The following ANKRD11 variants were observed in gnomAD, a reference collection of about 807,000 sequenced individuals.
ANKRD11 encodes the protein ankyrin repeat domain 11.
Under a neutral mutation model 195.7 loss-of-function variants are expected in ANKRD11, and 17 were observed. That is an observed-to-expected ratio of 0.09 (90% CI 0.06 to 0.13). The LOEUF (loss-of-function observed/expected upper bound fraction) is 0.13. ANKRD11 is among the 10% of genes least tolerant of loss of function. The probability of loss-of-function intolerance (pLI) is 1.00; values close to 1 mark genes in which losing one functional copy is unlikely to be tolerated. For missense variants in ANKRD11, 3,735 were observed against 3,566.1 expected, an observed-to-expected ratio of 1.05 and a Z score of -1.21; for synonymous variants, 1,953 against 1,528.1, an observed-to-expected ratio of 1.28 and a Z score of -6.49.
rs143817649 is a variant in ANKRD11, at chr16:89,284,807, A to G, written c.1735T>C (p.Tyr579His). Residue 579 changes from tyrosine (Y) to histidine (H), a missense_variant, in exon 9 of 13, where the codon TAC becomes CAC. Physicochemically the swap from Tyr to His is moderately conservative, Grantham distance 83. Coordinates refer to ENST00000301030, the MANE Select transcript of ANKRD11 (RefSeq NM_013275.6). ...TCCACACTGGAGCCCTCAGAGGAGT[A>G]GTCAGACTCGCTTGTCAGTCTCGTC... ...TRTRLTSESD[Y>H]SSEGSSVESL... 13 of 1,613,788 alleles carry G rather than the reference A, an allele frequency of 8.1e-6. No individual in the cohort carries two copies. The East Asian group carries it at 2.7e-4, about 33-fold the overall frequency.
chr16:89,406,615 G>A (rs1482832499), intron 2 of ANKRD11, among the ~76,000 whole-genome samples: 1 of 152,198 alleles, frequency 6.6e-6, no homozygotes, highest in Non-Finnish European at 1.5e-5. Context: ...AAAGAGACAA[G>A]GAAGGCCCAG....
intron 1 of ANKRD11, among the ~76,000 whole-genome samples, chr16:89,428,241 T>G (rs1597372955): frequency 5.3e-5 from 8 of 150,310 alleles, no homozygotes; most frequent in Admixed American, 5.3e-4. Flanking sequence ...AATAAAATTC[T>G]TTGGCCGGGC....
At chr16:89,359,080 T>C (rs534713415) in intron 2 of ANKRD11, among the ~76,000 whole-genome samples, 2 of 152,298 alleles carry the variant, frequency 1.3e-5, no homozygotes, top group Non-Finnish European at 2.9e-5. Flanking sequence ...AAAGCCTTTC[T>C]CTGCTTCAAA....
intron 2 of ANKRD11, among the ~76,000 whole-genome samples, chr16:89,390,299 G>A (rs1168874867): frequency 4.1e-5 from 6 of 146,554 alleles, no homozygotes; most frequent in African/African-American, 1.3e-4. Flanking sequence ...TCACTGGGGC[G>A]AACACCGAGT....
At chr16:89,329,807 G>A (rs903554823) in intron 2 of ANKRD11, among the ~76,000 whole-genome samples, 4 of 152,012 alleles carry the variant, frequency 2.6e-5, no homozygotes, top group East Asian at 1.9e-4. Context: ...TCAGGAGTTC[G>A]AAACCAGCCT....
intron 3 of ANKRD11, among the ~76,000 whole-genome samples, chr16:89,310,430 C>T (rs2036547253): frequency 6.6e-6 from 1 of 152,216 alleles, no homozygotes; most frequent in South Asian, 2.1e-4. Context: ...TAGGTCTTTT[C>T]AATTTCCCTA....
intron 2 of ANKRD11, among the ~76,000 whole-genome samples, chr16:89,396,365 C>G (rs559975551): frequency 5.3e-5 from 8 of 152,270 alleles, no homozygotes; most frequent in African/African-American, 1.4e-4. Flanking sequence ...CACACACACG[C>G]GACGGAGCCG....
intron 2 of ANKRD11, among the ~76,000 whole-genome samples, chr16:89,405,065 C>T (rs938180239): frequency 1.3e-5 from 2 of 152,080 alleles, no homozygotes; most frequent in Non-Finnish European, 2.9e-5. Context: ...AGCCCGACGC[C>T]CCGTCACACG....
At chr16:89,458,906 G>C (rs936211975) in intron 1 of ANKRD11, 1 of 152,318 alleles carries the variant, frequency 6.6e-6, no homozygotes, top group African/African-American at 2.4e-5. Flanking sequence ...TCCTGGCACT[G>C]GCAAGGGGAC....
At chr16:89,326,957 A>C (rs141807276) in intron 2 of ANKRD11, among the ~76,000 whole-genome samples, 6 of 152,260 alleles carry the variant, frequency 3.9e-5, no homozygotes, top group Admixed American at 1.3e-4. Context: ...AGAGAAAAGC[A>C]GGTACAGCAA....
rs565608120 is a variant in ANKRD11, at chr16:89,279,309, G to A, written c.7233C>T (p.Ile2411=). Residue 2411 remains isoleucine, a synonymous_variant, in exon 9 of 13, where the codon ATC becomes ATT. Coordinates refer to ENST00000301030, the MANE Select transcript of ANKRD11 (RefSeq NM_013275.6). This position sits in a 1 kb window ranked among gnomAD's most constrained non-coding sequence, Gnocchi z 5.6. ...NTSTQQTREV[I]QQTLAAIVDA... is the part of the protein sequence containing the mutation. ...CCACGATGGCGGCCAGCGTCTGCTGGATCACCTCCCGCGTCTGCTGCGTGG... is the reference window on the plus strand; with the variant it reads ...CCACGATGGCGGCCAGCGTCTGCTGAATCACCTCCCGCGTCTGCTGCGTGG... 2 of 1,611,882 alleles carry A rather than the reference G, an allele frequency of 1.2e-6. No individual in the cohort carries two copies. The highest frequency in any genetic ancestry group is 2.7e-5 in the African/African-American group (2 of 74,984).
At chr16:89,464,390 C>T (rs1434987279) in intron 1 of ANKRD11, among the ~76,000 whole-genome samples, 1 of 150,522 alleles carries the variant, frequency 6.6e-6, no homozygotes, top group East Asian at 2.0e-4. Context: ...AGGCAGATCA[C>T]GAGGTCAGGA....
At chr16:89,423,080 G>C (rs2042578018) in intron 1 of ANKRD11, among the ~76,000 whole-genome samples, 1 of 152,122 alleles carries the variant, frequency 6.6e-6, no homozygotes, top group Non-Finnish European at 1.5e-5. Flanking sequence ...ACAACCAAGG[G>C]CCACGGTGGT....
intron 3 of ANKRD11, among the ~76,000 whole-genome samples, 185 bp downstream of exon 3, chr16:89,316,748 C>T (rs2036981078): frequency 6.6e-6 from 1 of 152,106 alleles, no homozygotes; most frequent in African/African-American, 2.4e-5. Flanking sequence ...ATAACAAATA[C>T]AAAAAAAGCA....
At chr16:89,319,250 CGA>C (rs1476383054) in intron 2 of ANKRD11, among the ~76,000 whole-genome samples, 3 of 152,290 alleles carry the variant, frequency 2.0e-5, no homozygotes, top group African/African-American at 7.2e-5. Context: ...GTCTGGGCCC[CGA>C]CAGTGCGGGG....
At chr16:89,332,847 C>T (rs1226028548) in intron 2 of ANKRD11, among the ~76,000 whole-genome samples, 1 of 152,210 alleles carries the variant, frequency 6.6e-6, no homozygotes, top group East Asian at 1.9e-4. Context: ...CCATTTCTTT[C>T]CTTTATGCTC....
chr16:89,373,829 T>G (rs1459357119), intron 2 of ANKRD11, among the ~76,000 whole-genome samples: 1 of 152,184 alleles, frequency 6.6e-6, no homozygotes, highest in Non-Finnish European at 1.5e-5. Flanking sequence ...ACAAGATTGG[T>G]AGAACCTTAT....
rs756978193 is a variant in ANKRD11, at chr16:89,281,700, C to A, written c.4842G>T (p.Arg1614=). Residue 1614 remains arginine, a synonymous_variant, in exon 9 of 13, where the codon CGG becomes CGT. Coordinates refer to ENST00000301030, the MANE Select transcript of ANKRD11 (RefSeq NM_013275.6). The surrounding 1 kb of genome is among the most constrained non-coding windows in gnomAD (Gnocchi z 5.5). ...RMKQMEKLRH[R]SGDPKLKEKA... is the part of the protein sequence containing the mutation. ...TCTCCTTGAGCTTGGGGTCTCCGGA[C>A]CGGTGCCTCAGCTTCTCCATTTGCT... The A allele has an allele frequency of 1.9e-5, 31 of 1,614,156 alleles. No individual in the cohort carries two copies. Among genetic ancestry groups the A allele is most frequent in the Non-Finnish European group, 2.6e-5 (31 of 1,180,030 alleles).
At chr16:89,460,956 C>T (rs1170525784) in intron 1 of ANKRD11, among the ~76,000 whole-genome samples, 1 of 118,268 alleles carries the variant, frequency 8.5e-6, no homozygotes, top group Non-Finnish European at 1.7e-5. Context: ...GAAGAAAGGA[C>T]AAATATCGTA....
Sources: allele counts gnomAD v4.1 joint callset (sites outside exome capture counted in the v4.1 genomes callset), GRCh38; gene constraint gnomAD v4.1.1; non-coding constraint Gnocchi (gnomAD v3.1); transcripts MANE v1.5; gene names NCBI Gene and HGNC (gene_info 2026-07-23, HGNC 2026-07-21).